The following ECI2 variants were observed in gnomAD, a reference collection of about 807,000 sequenced individuals.
ECI2 encodes the protein D3,D2-enoyl-CoA isomerase.
ECI2 carries 27 observed loss-of-function variants against 38.4 expected under a neutral mutation model. The observed-to-expected ratio is 0.70, with a 90% CI of 0.52 to 0.97. The LOEUF (loss-of-function observed/expected upper bound fraction) is 0.97. Ranked by LOEUF, ECI2 falls within the 50% of genes least tolerant of loss-of-function variation. The pLI is 0.00. For synonymous variants in ECI2, 168 were observed against 172.0 expected, an observed-to-expected ratio of 0.98 and a Z score of 0.18; for missense variants, 470 against 474.4, an observed-to-expected ratio of 0.99 and a Z score of 0.09.
At chr6:4,125,889 T>C (rs1204544852) in intron 6 of ECI2, 2 of 620,158 alleles carry the variant, frequency 3.2e-6, no homozygotes, top group Non-Finnish European at 5.9e-6. Flanking sequence ...TTTACAACTA[T>C]AGCTCACTTT....
Position 4,133,717 on chromosome 6 carries a change from A to G in ECI2, c.51-6T>C, listed in dbSNP as rs890377561. On this transcript the variant is annotated splice_polypyrimidine_tract_variant and splice_region_variant and intron_variant, in intron 1 of 9. Coordinates refer to ENST00000380118, the MANE Select transcript of ECI2 (RefSeq NM_206836.3). ...AACTAGTGACCTGCAGAGAACTACA[A>G]TTAGGCAGACTGATTTCTATTTGTT... 1 of 1,588,702 alleles carries G rather than the reference A, an allele frequency of 6.3e-7. No individual in the cohort carries two copies. The highest frequency in any genetic ancestry group is 8.6e-7 in the Non-Finnish European group (1 of 1,169,566).
chr6:4,129,089 TCTCC>T (rs199756007), intron 4 of ECI2, among the ~76,000 whole-genome samples: 1 of 151,018 alleles, frequency 6.6e-6, no homozygotes, highest in Non-Finnish European at 1.5e-5. Flanking sequence ...TATCAGGGTT[TCTCC>T]CTCCCTCCCT....
At chr6:4,131,167 T>C (rs1388348086) in intron 2 of ECI2, among the ~76,000 whole-genome samples, 1 of 152,206 alleles carries the variant, frequency 6.6e-6, no homozygotes, top group African/African-American at 2.4e-5. Flanking sequence ...GGTAATCACA[T>C]TTTCCACAAA....
In ECI2 at chr6:4,117,306, A is replaced by T; in HGVS notation, c.1029+2T>A. 1 of 1,588,630 alleles carries T rather than the reference A, an allele frequency of 6.3e-7. No individual in the cohort carries two copies. Among genetic ancestry groups the T allele is most frequent in the Non-Finnish European group, 8.5e-7 (1 of 1,172,998 alleles). On this transcript the variant is annotated splice_donor_variant, in intron 9 of 9. Coordinates refer to ENST00000380118, the MANE Select transcript of ECI2 (RefSeq NM_206836.3). LOFTEE classifies it high-confidence loss of function. ...TCTTAGAAGTAAAAGATGAATACTA[A>T]CATTTGGGGGAAGCTTTGCAAATGC...
chr6:4,117,253 T>A, intron 9 of ECI2, 55 bp downstream of exon 9: 1 of 1,537,820 alleles, frequency 6.5e-7, no homozygotes, highest in Non-Finnish European at 8.7e-7. Flanking sequence ...GCAAATAAAT[T>A]TTTCCCTTAG....
At chr6:4,122,111 GGAGTT>G in intron 7 of ECI2, 1 of 1,009,486 alleles carries the variant, frequency 9.9e-7, no homozygotes, top group Non-Finnish European at 1.5e-6. Flanking sequence ...AGCAGCAGGT[GGAGTT>G]AAGGGTTTAG....
rs773259624 is a variant in ECI2 at position 4,115,957 on chromosome 6, A to C, written c.1102T>G (p.Cys368Gly). 2.5e-6 allele frequency: 4 copies of C among 1,614,198 alleles called. No homozygotes were observed. The Admixed American group carries it at 5.0e-5, about 20-fold the overall frequency. Reference sequence around the variant, plus strand: ...AGCCATCTTCCCTGAAGGACATTGCATTCTTCAGCATTAACAGCGTGTAGT... The same window carrying C: ...AGCCATCTTCCCTGAAGGACATTGCCTTCTTCAGCATTAACAGCGTGTAGT... ...EKLHAVNAEE[C>G]NVLQGRWLSD... Residue 368 changes from cysteine to glycine, a missense_variant, in exon 10 of 10, where the codon TGC (cysteine) becomes GGC (glycine). Transcript: ENST00000380118.
At chr6:4,123,869 G>A (rs994827807) in intron 7 of ECI2, among the ~76,000 whole-genome samples, 2 of 152,036 alleles carry the variant, frequency 1.3e-5, no homozygotes, top group Non-Finnish European at 2.9e-5. Context: ...GGCTGAGTGG[G>A]AGAATCGCTT....
At position 4,115,765 on chromosome 6, in the gene ECI2, T is replaced by C; in HGVS notation, c.*109A>G. On this transcript the variant is annotated 3_prime_UTR_variant, in exon 10 of 10. Transcript: ENST00000380118. ...AGTGAAATATCATCATTGTAATTGA[T>C]ATTCTAGCACTACAAAAGGCACAAT... is the stretch of plus-strand genomic sequence containing the variant. 1.4e-6 allele frequency: 2 copies of C among 1,429,726 alleles called. No individual in the cohort carries two copies. Among genetic ancestry groups the C allele is most frequent in the Non-Finnish European group, 1.9e-6 (2 of 1,046,850 alleles). 88.6% of individuals were successfully genotyped at this position (1,429,726 alleles called of 1,614,324 possible). A position where few individuals can be genotyped will look rare whatever the true frequency, so the allele number is the denominator to read the frequency against.
intron 6 of ECI2, 51 bp downstream of exon 6, chr6:4,126,084 G>T: frequency 1.4e-6 from 2 of 1,458,574 alleles, no homozygotes; most frequent in South Asian, 2.3e-5. Context: ...ATACCACTTT[G>T]ATGACTAAGA....
At chr6:4,119,413 TG>T in intron 7 of ECI2, 138 bp from the exon 8 acceptor site, 1 of 570,952 alleles carries the variant, frequency 1.8e-6, no homozygotes, top group African/African-American at 1.9e-5. Context: ...CTCCACCCCT[TG>T]GGTTCAAGCG....
chr6:4,135,532 A>G lies in ECI2; in HGVS notation c.29T>C (p.Leu10Pro). MAMAYLAWRLARRSCPSSLQ... is the reference protein window; with the variant it reads MAMAYLAWRPARRSCPSSLQ... ...TTACCTCGGACACGAACGCCGCGCC[A>G]GTCTCCAAGCCAAGTACGCCATCGC... is the stretch of plus-strand genomic sequence containing the variant. Residue 10 changes from leucine to proline, a missense_variant, in exon 1 of 10, where the codon CTG (leucine) becomes CCG (proline). Coordinates refer to ENST00000380118, the MANE Select transcript of ECI2 (RefSeq NM_206836.3). The G allele has an allele frequency of 6.5e-7, 1 of 1,549,502 alleles. No individual in the cohort carries two copies. Among genetic ancestry groups the G allele is most frequent in the Non-Finnish European group, 8.8e-7 (1 of 1,140,350 alleles).
At chr6:4,125,828 G>A (rs1379739648) in intron 6 of ECI2, 3 of 476,448 alleles carry the variant, frequency 6.3e-6, no homozygotes, top group Non-Finnish European at 3.9e-6. Context: ...CCATTCCTCT[G>A]GCTGGATGAG....
Position 4,123,235 on chromosome 6 carries a change from G to A in ECI2, c.795+2015C>T, listed in dbSNP as rs186495223. On this transcript the variant is annotated intron_variant, in intron 7 of 9. Coordinates refer to ENST00000380118, the MANE Select transcript of ECI2 (RefSeq NM_206836.3). Reference sequence around the variant, plus strand: ...TCTGTCACCTAGGCTGGAGTGCAGTGGTACGATCTCGGCTCACTGCAACCT... The same window carrying A: ...TCTGTCACCTAGGCTGGAGTGCAGTAGTACGATCTCGGCTCACTGCAACCT... 3.2e-3 allele frequency among the ~76,000 whole-genome samples: 481 copies of A among 151,944 alleles called. 4 individuals are homozygous for A. The highest frequency in any genetic ancestry group is 0.011 in the African/African-American group (448 of 41,436).
intron 7 of ECI2, chr6:4,122,106 C>A: frequency 9.3e-7 from 1 of 1,078,888 alleles, no homozygotes; most frequent in Non-Finnish European, 1.4e-6. Flanking sequence ...AAGAGAGCAG[C>A]AGGTGGAGTT....
In ECI2 at chr6:4,126,205, G is replaced by C. The variant is rs150232877; in HGVS notation, c.604C>G (p.Leu202Val). ...GGGGGAATATCAGTGAAGTTAGTCAGATCATTCCCACTACTGTAATAGTCA... is the reference window on the plus strand; with the variant it reads ...GGGGGAATATCAGTGAAGTTAGTCACATCATTCCCACTACTGTAATAGTCA... The part of the protein sequence containing the change: ...NGDYYSSGND[L>V]TNFTDIPPGG... Residue 202 changes from leucine (L) to valine (V), a missense_variant, in exon 6 of 10, where the codon CTG becomes GTG. Coordinates refer to ENST00000380118, the MANE Select transcript of ECI2 (RefSeq NM_206836.3). 337 of 1,613,378 alleles carry C rather than the reference G, an allele frequency of 2.1e-4. No homozygotes were observed. Among genetic ancestry groups the C allele is most frequent in the Non-Finnish European group, 2.6e-4 (308 of 1,179,876 alleles).
intron 1 of ECI2, chr6:4,135,136 T>C: frequency 1.9e-6 from 1 of 527,634 alleles, no homozygotes; most frequent in Non-Finnish European, 3.6e-6. Context: ...CAAGCGACGC[T>C]TTGCACCCCA....
intron 7 of ECI2, among the ~76,000 whole-genome samples, chr6:4,122,597 G>C (rs923282982): frequency 2.6e-5 from 4 of 152,082 alleles, no homozygotes; most frequent in African/African-American, 9.7e-5. Flanking sequence ...CTGTTGCCCA[G>C]CCTTACTCTT....
Position 4,135,523 on chromosome 6 carries a change from C to A in ECI2, c.38G>T (p.Arg13Leu). 1 of 1,610,832 alleles carries A rather than the reference C, an allele frequency of 6.2e-7. No homozygotes were observed. Among genetic ancestry groups the A allele is most frequent in the Non-Finnish European group, 8.5e-7 (1 of 1,178,986 alleles). Reference sequence around the variant, plus strand: ...ACTCCAAGCTTACCTCGGACACGAACGCCGCGCCAGTCTCCAAGCCAAGTA... The same window carrying A: ...ACTCCAAGCTTACCTCGGACACGAAAGCCGCGCCAGTCTCCAAGCCAAGTA... ...MAYLAWRLARRSCPSSLQVTS... is the reference protein window; with the variant it reads ...MAYLAWRLARLSCPSSLQVTS... The change falls in exon 1 of 10, where the codon CGT becomes CTT. Residue 13 changes from arginine to leucine, a missense_variant. Physicochemically the swap from Arg to Leu is moderately radical, Grantham distance 102. Transcript: ENST00000380118.
Sources: gnomAD v4.1 joint callset for allele counts (sites outside exome capture counted in the v4.1 genomes callset) on GRCh38, gnomAD v4.1.1 for gene constraint, MANE v1.5 for transcripts, NCBI Gene and HGNC (gene_info 2026-07-23, HGNC 2026-07-21) for gene names.